ST3GAL3: variants seen among roughly 807,000 people sequenced by gnomAD.
ST3GAL3 encodes the protein ST3 beta-galactoside alpha-2,3-sialyltransferase 3, also known as CMP-N-acetylneuraminate-beta-1,4-galactoside alpha-2,3-sialyltransferase.
In ST3GAL3, 21 loss-of-function variants were observed where a neutral mutation model predicts 50.1. The observed-to-expected ratio is 0.42, with a 90% CI of 0.30 to 0.60. The LOEUF is 0.60. Among genes scored for constraint, ST3GAL3 ranks in the 20% least tolerant of loss-of-function variants. The probability of loss-of-function intolerance (pLI) is 0.19; values close to 1 mark genes in which losing one functional copy is unlikely to be tolerated. For missense variants in ST3GAL3, 353 were observed against 489.4 expected (o/e 0.72, Z 2.63); for synonymous variants, 183 against 190.0 (o/e 0.96, Z 0.30).
At chr1:43,766,805 G>A (rs1693218716) in intron 2 of ST3GAL3, among the ~76,000 whole-genome samples, 1 of 152,186 alleles carries the variant, frequency 6.6e-6, no homozygotes, top group East Asian at 1.9e-4. Context: ...TGGAATTTCT[G>A]TTGAGCACCT....
intron 2 of ST3GAL3, among the ~76,000 whole-genome samples, chr1:43,780,982 T>G (rs1699184398): frequency 6.6e-6 from 1 of 152,232 alleles, no homozygotes; most frequent in Non-Finnish European, 1.5e-5. Flanking sequence ...AGTATCATCT[T>G]CATTCCCTCT....
intron 2 of ST3GAL3, among the ~76,000 whole-genome samples, chr1:43,775,458 T>C (rs1023116623): frequency 6.6e-6 from 1 of 152,126 alleles, no homozygotes; most frequent in Non-Finnish European, 1.5e-5. Flanking sequence ...GGTCTTGAAC[T>C]CCTGACCTCA....
At chr1:43,906,779 T>C (rs971443314) in intron 9 of ST3GAL3, among the ~76,000 whole-genome samples, 3 of 152,224 alleles carry the variant, frequency 2.0e-5, no homozygotes, top group Admixed American at 2.0e-4. Context: ...CTCTTCAGTT[T>C]ATCAGCTTTC....
intron 11 of ST3GAL3, among the ~76,000 whole-genome samples, chr1:43,926,569 C>T (rs527773129): frequency 2.4e-4 from 36 of 151,768 alleles, no homozygotes; most frequent in African/African-American, 8.4e-4. Flanking sequence ...TGCACCATTG[C>T]ACTCCAGCCT....
chr1:43,777,976 T>A (rs767102755), intron 2 of ST3GAL3, among the ~76,000 whole-genome samples: 10 of 152,134 alleles, frequency 6.6e-5, no homozygotes, highest in Non-Finnish European at 1.0e-4. Context: ...ATACATGCAC[T>A]CATACGTTCA....
At chr1:43,810,165 A>T (rs939059827) in intron 3 of ST3GAL3, among the ~76,000 whole-genome samples, 1 of 152,160 alleles carries the variant, frequency 6.6e-6, no homozygotes. Context: ...ATTTGAAGAA[A>T]TAAGAACCAA....
At chr1:43,878,210 C>T (rs918843536) in intron 5 of ST3GAL3, among the ~76,000 whole-genome samples, 15 of 152,190 alleles carry the variant, frequency 9.9e-5, no homozygotes, top group Non-Finnish European at 1.0e-4. Flanking sequence ...GTGGTCAAAT[C>T]TCTCTCCACC....
chr1:43,762,232 C>T (rs1171843678), intron 2 of ST3GAL3, among the ~76,000 whole-genome samples: 1 of 149,828 alleles, frequency 6.7e-6, no homozygotes, highest in Non-Finnish European at 1.5e-5. Flanking sequence ...TGTACTCCAG[C>T]CTTAGCAACA....
chr1:43,902,817 T>C (rs921653263), intron 9 of ST3GAL3, among the ~76,000 whole-genome samples: 2 of 152,180 alleles, frequency 1.3e-5, no homozygotes, highest in South Asian at 2.1e-4. Context: ...CACTCACTTA[T>C]CAGCTGTCCA....
chr1:43,920,326 A>C (rs2082810843), intron 9 of ST3GAL3, 78 bp from the exon 10 acceptor site: 2 of 1,591,300 alleles, frequency 1.3e-6, no homozygotes, highest in Admixed American at 3.3e-5. Context: ...CACTGTCCCT[A>C]CTTGGGGTCC....
In ST3GAL3 at chr1:43,930,823, G is replaced by C. The variant is rs1036881277; in HGVS notation, c.*602G>C. ...GAAGGCGGGGTATTCCCACTCACCA[G>C]CCCTAGCTGTCCCATGGGGAAACCC... On this transcript the variant is annotated 3_prime_UTR_variant, in exon 12 of 12. Transcript: ENST00000347631. 1 of 182,214 alleles carries C rather than the reference G, an allele frequency of 5.5e-6. No homozygotes were observed. The highest frequency in any genetic ancestry group is 2.4e-5 in the African/African-American group (1 of 42,424). The allele number at this position is 182,214 out of a possible 1,614,324, so 11.3% of individuals were successfully genotyped here. A position where few individuals can be genotyped will look rare whatever the true frequency, so the allele number is the denominator to read the frequency against.
At chr1:43,894,524 G>A in intron 6 of ST3GAL3, 47 bp downstream of exon 6, 1 of 1,547,638 alleles carries the variant, frequency 6.5e-7, no homozygotes, top group South Asian at 1.1e-5. Flanking sequence ...CCCCCCGACT[G>A]TCTCCCTGTC....
At chr1:43,744,390 C>T (rs1331514181) in intron 2 of ST3GAL3, among the ~76,000 whole-genome samples, 3 of 151,922 alleles carry the variant, frequency 2.0e-5, no homozygotes, top group Non-Finnish European at 4.4e-5. Flanking sequence ...GCTGGGATTA[C>T]AGGCACCCGC....
chr1:43,719,573 G>A (rs888438284), intron 1 of ST3GAL3, among the ~76,000 whole-genome samples: 1 of 151,966 alleles, frequency 6.6e-6, no homozygotes, highest in Non-Finnish European at 1.5e-5. Flanking sequence ...GCCGAGGCAC[G>A]AGAATTGCTT....
At chr1:43,905,760 T>C (rs2079384145) in intron 9 of ST3GAL3, among the ~76,000 whole-genome samples, 1 of 119,164 alleles carries the variant, frequency 8.4e-6, no homozygotes. Flanking sequence ...CTCCCCCTCC[T>C]CCTGCTCCTC....
intron 1 of ST3GAL3, among the ~76,000 whole-genome samples, chr1:43,723,446 C>T (rs1671458251): frequency 6.6e-6 from 1 of 152,060 alleles, no homozygotes; most frequent in Non-Finnish European, 1.5e-5. Flanking sequence ...TGCTCCCTTT[C>T]CGCTTCTGCC....
chr1:43,801,286 A>G, intron 3 of ST3GAL3: 1 of 456,318 alleles, frequency 2.2e-6, no homozygotes, highest in Non-Finnish European at 4.4e-6. Context: ...TGCCAGGTAC[A>G]GTGACAGCTG....
intron 1 of ST3GAL3, among the ~76,000 whole-genome samples, chr1:43,726,041 C>T (rs547829129): frequency 2.0e-5 from 3 of 152,206 alleles, no homozygotes; most frequent in African/African-American, 7.2e-5. Context: ...AAAGTGGCTG[C>T]ATAAACTCTC....
intron 4 of ST3GAL3, among the ~76,000 whole-genome samples, chr1:43,830,773 G>A (rs570478505): frequency 6.6e-6 from 1 of 152,314 alleles, no homozygotes; most frequent in Admixed American, 6.5e-5. Context: ...CTCCCTTTCT[G>A]TCCCCTGAAG....
Sources: gnomAD v4.1 joint callset for allele counts (sites outside exome capture counted in the v4.1 genomes callset) on GRCh38, gnomAD v4.1.1 for gene constraint, MANE v1.5 for transcripts, NCBI Gene and HGNC (gene_info 2026-07-23, HGNC 2026-07-21) for gene names.